CMIP: variants seen among roughly 807,000 people sequenced by gnomAD.
CMIP encodes C-Maf-inducing protein.
Under a neutral mutation model 97.3 loss-of-function variants are expected in CMIP, and 13 were observed. The ratio of observed to expected loss-of-function variants is 0.13; its 90% confidence interval spans 0.09 to 0.21. CMIP has a LOEUF of 0.21. Among genes scored for constraint, CMIP ranks in the 10% least tolerant of loss-of-function variants. The pLI is 1.00. For synonymous variants in CMIP, 538 were observed against 436.3 expected (o/e 1.23, Z -2.91); for missense variants, 847 against 1,024.9 (o/e 0.83, Z 2.37).
chr16:81,465,864 C>A (rs1907171725), intron 1 of CMIP, among the ~76,000 whole-genome samples: 1 of 152,214 alleles, frequency 6.6e-6, no homozygotes, highest in Admixed American at 6.5e-5. Flanking sequence ...GTGTCAGGTG[C>A]CCGGCTGAGG....
At chr16:81,480,597 G>C (rs1001541157) in intron 1 of CMIP, among the ~76,000 whole-genome samples, 1 of 152,154 alleles carries the variant, frequency 6.6e-6, no homozygotes, top group Non-Finnish European at 1.5e-5. Flanking sequence ...TGCTGCTCCA[G>C]CCTCCCTCTG....
chr16:81,694,178 C>G (rs945847969), intron 13 of CMIP, among the ~76,000 whole-genome samples: 2 of 152,204 alleles, frequency 1.3e-5, no homozygotes, highest in African/African-American at 4.8e-5. Flanking sequence ...TGGTCCACGA[C>G]TGAGGCAAGA....
In CMIP at chr16:81,664,252, C is replaced by A. The variant is rs370186592; in HGVS notation, c.745-17C>A. On this transcript the variant is annotated splice_polypyrimidine_tract_variant and intron_variant, in intron 6 of 20. Transcript: ENST00000537098. ...CATTCTTAGGGCCGCAGTAACTGTACCCCACTCTGTCCCCAGCACTGCAGA... is the reference window on the plus strand; with the variant it reads ...CATTCTTAGGGCCGCAGTAACTGTAACCCACTCTGTCCCCAGCACTGCAGA... 2.0e-4 allele frequency: 314 copies of A among 1,585,638 alleles called. 1 individual carries two copies. In the African/African-American group the frequency reaches 3.5e-3, roughly 18 times the overall value.
chr16:81,555,464 A>G (rs938702013), intron 1 of CMIP, among the ~76,000 whole-genome samples: 10 of 152,234 alleles, frequency 6.6e-5, no homozygotes, highest in Non-Finnish European at 1.5e-4. Context: ...ACACCTGCCC[A>G]GGTAACACAC....
intron 4 of CMIP, among the ~76,000 whole-genome samples, chr16:81,656,528 T>G (rs2092484154): frequency 6.6e-6 from 1 of 152,248 alleles, no homozygotes. Flanking sequence ...ACTTCTGAGT[T>G]TTCCTGTGAT....
intron 3 of CMIP, among the ~76,000 whole-genome samples, chr16:81,636,854 C>T: frequency 7.3e-6 from 1 of 137,054 alleles, no homozygotes; most frequent in Non-Finnish European, 1.6e-5. Flanking sequence ...CCACCCCCCA[C>T]CCCCTGAAGC....
At chr16:81,669,720 C>T (rs1251817318) in intron 7 of CMIP, among the ~76,000 whole-genome samples, 2 of 148,346 alleles carry the variant, frequency 1.3e-5, no homozygotes, top group Non-Finnish European at 3.0e-5. Flanking sequence ...CCATACCCAC[C>T]TCACACTCAC....
At chr16:81,543,487 C>T (rs1251376943) in intron 1 of CMIP, among the ~76,000 whole-genome samples, 1 of 152,136 alleles carries the variant, frequency 6.6e-6, no homozygotes, top group African/African-American at 2.4e-5. Flanking sequence ...CTGTGACCTC[C>T]CTTTTCCAGC....
chr16:81,501,608 CTTTTTTT>C (rs1046564135), intron 1 of CMIP, among the ~76,000 whole-genome samples: 1 of 129,356 alleles, frequency 7.7e-6, no homozygotes, highest in African/African-American at 2.9e-5. Flanking sequence ...GACTCTGGTT[CTTTTTTT>C]TTTTTTTTTT....
Position 81,660,942 on chromosome 16 carries a change from G to A in CMIP, c.740G>A (p.Cys247Tyr). 1.2e-6 allele frequency: 2 copies of A among 1,613,942 alleles called. No individual in the cohort carries two copies. Among genetic ancestry groups the A allele is most frequent in the Non-Finnish European group, 1.7e-6 (2 of 1,179,880 alleles). ...CCACCAGATCTCTGTGAATTCTTTTGCAAGGTACGGGATTGCTGAGCTGGG... is the reference window on the plus strand; with the variant it reads ...CCACCAGATCTCTGTGAATTCTTTTACAAGGTACGGGATTGCTGAGCTGGG... ...HPPPDLCEFF[C>Y]KHCRERPRSM... The change falls in exon 6 of 21, where the codon TGC becomes TAC. Residue 247 changes from cysteine (C) to tyrosine (Y), a missense_variant. Around this residue, in one of 4 missense-constraint regions of CMIP, gnomAD observed 285 missense variants for 392.2 expected, o/e 0.73. Coordinates refer to ENST00000537098, the MANE Select transcript of CMIP (RefSeq NM_198390.3).
intron 1 of CMIP, among the ~76,000 whole-genome samples, chr16:81,533,119 G>A (rs1053133363): frequency 3.9e-5 from 6 of 152,050 alleles, no homozygotes; most frequent in East Asian, 1.9e-4. Context: ...TTTATTTCTC[G>A]TTCCCTGACT....
chr16:81,456,468 C>T (rs1244791916), intron 1 of CMIP, among the ~76,000 whole-genome samples: 1 of 152,124 alleles, frequency 6.6e-6, no homozygotes, highest in Non-Finnish European at 1.5e-5. Flanking sequence ...CAGCAAGGGC[C>T]GAATCACCAG....
chr16:81,481,415 G>A (rs1056034968), intron 1 of CMIP, among the ~76,000 whole-genome samples: 3 of 152,232 alleles, frequency 2.0e-5, no homozygotes, highest in Non-Finnish European at 2.9e-5. Context: ...CTTTCCCAAC[G>A]TTACACAGCT....
chr16:81,541,384 G>A (rs531671855), intron 1 of CMIP, among the ~76,000 whole-genome samples: 9 of 152,236 alleles, frequency 5.9e-5, no homozygotes, highest in East Asian at 1.9e-4. Context: ...CGGTGGAGCC[G>A]TGTAACCTGT....
intron 2 of CMIP, chr16:81,620,649 C>G (rs1023024048): frequency 1.4e-5 from 7 of 513,210 alleles, no homozygotes; most frequent in Non-Finnish European, 2.5e-5. Flanking sequence ...AGGAAGCACA[C>G]GGTGCTAGTG....
chr16:81,578,184 A>G (rs1211666633), intron 1 of CMIP, among the ~76,000 whole-genome samples: 1 of 151,142 alleles, frequency 6.6e-6, no homozygotes, highest in Non-Finnish European at 1.5e-5. Context: ...CCACTACATT[A>G]TTATCACTGT....
At chr16:81,446,920 C>A (rs1905884078) in intron 1 of CMIP, among the ~76,000 whole-genome samples, 1 of 147,634 alleles carries the variant, frequency 6.8e-6, no homozygotes, top group African/African-American at 2.5e-5. Flanking sequence ...ATGCTTAGAG[C>A]ACCTATTTTC....
intron 1 of CMIP, among the ~76,000 whole-genome samples, chr16:81,527,245 G>T (rs766811166): frequency 6.6e-6 from 1 of 152,194 alleles, no homozygotes; most frequent in Non-Finnish European, 1.5e-5. Context: ...GGGAGCCCAC[G>T]GTGGGGGAGG....
intron 1 of CMIP, among the ~76,000 whole-genome samples, chr16:81,581,363 C>T (rs916604626): frequency 8.5e-5 from 13 of 152,262 alleles, no homozygotes; most frequent in African/African-American, 3.1e-4. Flanking sequence ...GATGGTGTAG[C>T]CTGCCTCACA....
Sources: allele counts gnomAD v4.1 joint callset (sites outside exome capture counted in the v4.1 genomes callset), GRCh38; gene constraint gnomAD v4.1.1; regional missense constraint gnomAD v4.1.1; transcripts MANE v1.5; gene names NCBI Gene and HGNC (gene_info 2026-07-23, HGNC 2026-07-21).